The following FAM168B variants were observed in gnomAD, a reference collection of about 807,000 sequenced individuals.
FAM168B encodes myelin-associated neurite-outgrowth inhibitor.
FAM168B carries 19 observed loss-of-function variants against 21.8 expected under a neutral mutation model. The observed-to-expected ratio is 0.87, with a 90% CI of 0.61 to 1.28. The LOEUF (loss-of-function observed/expected upper bound fraction) is 1.28, where lower values mean the gene tolerates loss of function less well. Among genes scored for constraint, FAM168B ranks in the 50% most tolerant of loss-of-function variants. The pLI is 0.00. For synonymous variants in FAM168B, 126 were observed against 104.8 expected (o/e 1.20, Z -1.24); for missense variants, 233 against 263.1 (o/e 0.89, Z 0.79).
In FAM168B at chr2:131,049,752, A is replaced by G. The variant is rs1241261931; in HGVS notation, c.*2713T>C. The G allele has an allele frequency of 1.0e-6, 1 of 985,748 alleles. No individual in the cohort carries two copies. The highest frequency in any genetic ancestry group is 1.7e-5 in the African/African-American group (1 of 57,252). The allele number at this position is 985,748 out of a possible 1,614,324, so 61.1% of individuals were successfully genotyped here. On this transcript the variant is annotated 3_prime_UTR_variant, in exon 7 of 7. Coordinates refer to ENST00000389915, the MANE Select transcript of FAM168B (RefSeq NM_001009993.4). Reference sequence around the variant, plus strand: ...TAGTAATTCAGCTGAAGGACTCCCAAATTAGGAATGTCAAACACACAAAAA... The same window carrying G: ...TAGTAATTCAGCTGAAGGACTCCCAGATTAGGAATGTCAAACACACAAAAA...
At chr2:131,061,674 C>T (rs1015604272) in intron 3 of FAM168B, among the ~76,000 whole-genome samples, 4 of 151,690 alleles carry the variant, frequency 2.6e-5, no homozygotes, top group South Asian at 2.1e-4. Context: ...CCCAGCCACT[C>T]GGGAAGCTGA....
intron 2 of FAM168B, among the ~76,000 whole-genome samples, chr2:131,079,109 G>T (rs191444913): frequency 6.6e-6 from 1 of 152,224 alleles, no homozygotes; most frequent in Admixed American, 6.5e-5. Flanking sequence ...TTAAGTGAAG[G>T]ATCTTGAGAT....
chr2:131,085,787 G>C (rs1055470703), intron 1 of FAM168B, among the ~76,000 whole-genome samples: 2 of 152,172 alleles, frequency 1.3e-5, no homozygotes. Context: ...TACGTGATAG[G>C]TCTTGACCAG....
intron 2 of FAM168B, among the ~76,000 whole-genome samples, chr2:131,076,025 G>A (rs919420499): frequency 2.6e-5 from 4 of 152,020 alleles, no homozygotes; most frequent in African/African-American, 9.7e-5. Context: ...AAGCCGCAGC[G>A]TGGCTCCCCT....
intron 3 of FAM168B, among the ~76,000 whole-genome samples, chr2:131,059,547 A>T (rs1226002928): frequency 6.6e-6 from 1 of 152,222 alleles, no homozygotes; most frequent in Non-Finnish European, 1.5e-5. Context: ...AGATCCTCCC[A>T]GGAGTCACCA....
At chr2:131,081,103 T>C (rs1431526315) in intron 2 of FAM168B, among the ~76,000 whole-genome samples, 1 of 152,242 alleles carries the variant, frequency 6.6e-6, no homozygotes, top group Admixed American at 6.5e-5. Context: ...CTTGTCTTGA[T>C]ATTAACCTGA....
At chr2:131,065,619 G>A (rs1296733648) in intron 3 of FAM168B, among the ~76,000 whole-genome samples, 2 of 151,802 alleles carry the variant, frequency 1.3e-5, no homozygotes, top group East Asian at 1.9e-4. Context: ...GAGAAACCCC[G>A]TCTCTACTAA....
chr2:131,071,778 C>T lies in FAM168B; in HGVS notation c.154+77G>A, dbSNP rs1692881502. ...ACTCAACCAAGTCCTAATTCTATAC[C>T]CACCCCTCTCAAAATCCACCCCTTC... On this transcript the variant is annotated intron_variant, in intron 3 of 6. Coordinates refer to ENST00000389915, the MANE Select transcript of FAM168B (RefSeq NM_001009993.4). 3 of 1,262,654 alleles carry T rather than the reference C, an allele frequency of 2.4e-6. No individual in the cohort carries two copies. In the East Asian group the frequency reaches 7.0e-5, roughly 29 times the overall value. 78.2% of individuals were successfully genotyped at this position (1,262,654 alleles called of 1,614,324 possible).
At position 131,050,447 on chromosome 2, in the gene FAM168B, G is replaced by C. The variant is rs1479545706; in HGVS notation, c.*2018C>G. ...CACTAAACAGATGGAATTACCAACA[G>C]AGACTTGAAGAAAGGGGCACAAACT... On this transcript the variant is annotated 3_prime_UTR_variant, in exon 7 of 7. Coordinates refer to ENST00000389915, the MANE Select transcript of FAM168B (RefSeq NM_001009993.4). 1 of 985,696 alleles carries C rather than the reference G, an allele frequency of 1.0e-6. No individual in the cohort carries two copies. Among genetic ancestry groups the C allele is most frequent in the East Asian group, 1.1e-4 (1 of 8,822 alleles). 61.1% of individuals were successfully genotyped at this position (985,696 alleles called of 1,614,324 possible).
rs984007583 is a variant in FAM168B, at chr2:131,050,505, T to C, written c.*1960A>G. On this transcript the variant is annotated 3_prime_UTR_variant, in exon 7 of 7. Transcript: ENST00000389915. ...TGCGGTAAATGTCTGCCCCCACACATAGACACTAAGATGGATTAAGTGCTC... is the reference window on the plus strand; with the variant it reads ...TGCGGTAAATGTCTGCCCCCACACACAGACACTAAGATGGATTAAGTGCTC... 4.1e-6 allele frequency: 4 copies of C among 984,934 alleles called. No individual in the cohort carries two copies. The highest frequency in any genetic ancestry group is 6.2e-5 in the Admixed American group (1 of 16,258). 61.0% of individuals were successfully genotyped at this position (984,934 alleles called of 1,614,324 possible).
At position 131,050,809 on chromosome 2, in the gene FAM168B, G is replaced by A; in HGVS notation, c.*1656C>T. On this transcript the variant is annotated 3_prime_UTR_variant, in exon 7 of 7. Coordinates refer to ENST00000389915, the MANE Select transcript of FAM168B (RefSeq NM_001009993.4). Reference sequence around the variant, plus strand: ...CCCAGCTACCAGCAAATGAAGAGGAGCAGAGCCCCCTCCCCACCAGAGCCC... The same window carrying A: ...CCCAGCTACCAGCAAATGAAGAGGAACAGAGCCCCCTCCCCACCAGAGCCC... 1 of 985,394 alleles carries A rather than the reference G, an allele frequency of 1.0e-6. No homozygotes were observed. The highest frequency in any genetic ancestry group is 1.2e-6 in the Non-Finnish European group (1 of 829,962). The allele number at this position is 985,394 out of a possible 1,614,324, so 61.0% of individuals were successfully genotyped here.
At chr2:131,070,304 C>A (rs1249133014) in intron 3 of FAM168B, among the ~76,000 whole-genome samples, 2 of 152,196 alleles carry the variant, frequency 1.3e-5, no homozygotes, top group African/African-American at 2.4e-5. Flanking sequence ...AAAGCAAATT[C>A]TTCACCAAAG....
intron 3 of FAM168B, among the ~76,000 whole-genome samples, chr2:131,056,551 A>C (rs1172129747): frequency 2.0e-5 from 3 of 152,182 alleles, no homozygotes; most frequent in Non-Finnish European, 2.9e-5. Context: ...CTGAATAAGC[A>C]GTTAGGTGTC....
Position 131,067,908 on chromosome 2 carries a change from G to T in FAM168B, c.154+3947C>A, listed in dbSNP as rs564933554. ...TATAAAATTCAAAACATGAAGCTGG[G>T]TGTGGTGGTTTATGCCTGTAATCCC... is the stretch of plus-strand genomic sequence containing the variant. On this transcript the variant is annotated intron_variant, in intron 3 of 6. Transcript: ENST00000389915. 2.0e-5 allele frequency among the ~76,000 whole-genome samples: 3 copies of T among 152,308 alleles called. No individual in the cohort carries two copies. The East Asian group carries it at 5.8e-4, about 29-fold the overall frequency.
intron 3 of FAM168B, 56 bp from the exon 4 acceptor site, chr2:131,055,751 G>A (rs1048404250): frequency 1.1e-4 from 174 of 1,585,332 alleles, no homozygotes; most frequent in Non-Finnish European, 1.4e-4. Context: ...GGCGCAGGGA[G>A]AGGACACAGG....
intron 2 of FAM168B, among the ~76,000 whole-genome samples, chr2:131,072,835 G>A (rs555120436): frequency 3.3e-5 from 5 of 152,088 alleles, no homozygotes; most frequent in Non-Finnish European, 5.9e-5. Context: ...GAGTGCTAAG[G>A]GTATCACACG....
intron 3 of FAM168B, among the ~76,000 whole-genome samples, chr2:131,067,568 C>G (rs1307743495): frequency 6.6e-6 from 1 of 152,084 alleles, no homozygotes; most frequent in African/African-American, 2.4e-5. Context: ...CAGTGAGACC[C>G]CATCTCTACA....
chr2:131,059,265 C>G (rs1573759191), intron 3 of FAM168B, among the ~76,000 whole-genome samples: 1 of 152,274 alleles, frequency 6.6e-6, no homozygotes, highest in East Asian at 1.9e-4. Flanking sequence ...TTTATGCAGT[C>G]TTGGCAAGCA....
chr2:131,055,238 C>T (rs1691945514), intron 5 of FAM168B, 34 bp downstream of exon 5: 16 of 1,505,688 alleles, frequency 1.1e-5, no homozygotes, highest in Non-Finnish European at 1.4e-5. Context: ...CTAGGGTACA[C>T]CATAGGACAG....
Sources: allele counts gnomAD v4.1 joint callset (sites outside exome capture counted in the v4.1 genomes callset), GRCh38; gene constraint gnomAD v4.1.1; transcripts MANE v1.5; gene names NCBI Gene and HGNC (gene_info 2026-07-23, HGNC 2026-07-21).